Variants in DCDC1 observed in about 807,000 individuals in gnomAD.
DCDC1 encodes the protein doublecortin domain containing 1, also known as doublecortin domain-containing protein 1.
DCDC1 carries 200 observed loss-of-function variants against 178.3 expected under a neutral mutation model. That is an observed-to-expected ratio of 1.12 (90% confidence interval 1.00 to 1.26). The LOEUF is 1.26. Ranked by LOEUF, DCDC1 falls within the 50% of genes most tolerant of loss-of-function variation. The pLI is 0.00. For synonymous variants in DCDC1, 690 were observed against 604.8 expected, an observed-to-expected ratio of 1.14 and a Z score of -2.07; for missense variants, 1,983 against 1,749.2, an observed-to-expected ratio of 1.13 and a Z score of -2.38.
rs139864281 is a variant in DCDC1 at position 31,336,573 on chromosome 11, C to T, written c.-124-1009G>A. Among the ~76,000 whole-genome samples, 1,253 of 152,276 alleles carry T rather than the reference C, an allele frequency of 8.2e-3. 7 individuals carry two copies. The highest frequency in any genetic ancestry group is 0.017 in the Middle Eastern group (5 of 294). ...TTCTTTGTTAAGAATTCACCAAATG[C>T]ATTGAAATAATTGTATTGCAATGTC... On this transcript the variant is annotated intron_variant, in intron 1 of 38. Transcript: ENST00000684477.
chr11:31,165,759 C>T lies in DCDC1; in HGVS notation c.1222-27975G>A, dbSNP rs148000194. On this transcript the variant is annotated intron_variant, in intron 9 of 38. Coordinates refer to ENST00000684477, the MANE Select transcript of DCDC1 (RefSeq NM_001387274.1). ...CCCCTTGTTTTTCATATGTACTGTG[C>T]GCAGATTTGAATTTCTTTGATGAGG... 8.8e-3 allele frequency among the ~76,000 whole-genome samples: 1,336 copies of T among 152,116 alleles called. 6 individuals are homozygous for T. The highest frequency in any genetic ancestry group is 0.012 in the Non-Finnish European group (843 of 68,012).
intron 9 of DCDC1, among the ~76,000 whole-genome samples, chr11:31,239,814 A>G (rs1976899692): frequency 6.6e-6 from 1 of 151,892 alleles, no homozygotes; most frequent in East Asian, 1.9e-4. Context: ...TTTGAGTCAT[A>G]AAGAATTTTT....
intron 1 of DCDC1, among the ~76,000 whole-genome samples, chr11:31,336,678 AT>A (rs1950288845): frequency 6.6e-6 from 1 of 152,196 alleles, no homozygotes; most frequent in Non-Finnish European, 1.5e-5. Flanking sequence ...GCCAATATCC[AT>A]TCCTTGTTCC....
At chr11:30,902,592 T>C (rs1045717500) in intron 32 of DCDC1, among the ~76,000 whole-genome samples, 1 of 152,142 alleles carries the variant, frequency 6.6e-6, no homozygotes, top group African/African-American at 2.4e-5. Context: ...ACATTTTATG[T>C]AAGAAATTTA....
At chr11:30,913,144 G>A (rs10835721) in intron 27 of DCDC1, among the ~76,000 whole-genome samples, 35,018 of 152,072 alleles carry the variant, frequency 0.23, 4,302 homozygotes, top group Non-Finnish European at 0.27. Flanking sequence ...ACTCTTGGCC[G>A]GGCGCGGTGG....
chr11:31,326,626 G>T (rs1949663793), intron 3 of DCDC1, among the ~76,000 whole-genome samples: 1 of 152,092 alleles, frequency 6.6e-6, no homozygotes. Flanking sequence ...AAGCTGCACT[G>T]TATAAAGGAT....
chr11:31,144,303 A>AT (rs908214642), intron 9 of DCDC1, among the ~76,000 whole-genome samples: 319 of 148,586 alleles, frequency 2.1e-3, no homozygotes, highest in Non-Finnish European at 3.1e-3. Context: ...CCTGGCTAAT[A>AT]TTTTTTTTTT....
intron 2 of DCDC1, among the ~76,000 whole-genome samples, chr11:31,330,193 G>A (rs1259770800): frequency 6.6e-6 from 1 of 152,176 alleles, no homozygotes; most frequent in Non-Finnish European, 1.5e-5. Flanking sequence ...CTGCATAAAT[G>A]TCTTCTTTTG....
chr11:30,916,729 C>G, intron 26 of DCDC1, 141 bp downstream of exon 26: 3 of 1,060,210 alleles, frequency 2.8e-6, no homozygotes, highest in Non-Finnish European at 3.8e-6. Flanking sequence ...ATATTTTAAT[C>G]AAAAACATAA....
intron 20 of DCDC1, among the ~76,000 whole-genome samples, chr11:31,043,144 G>C (rs1013391066): frequency 1.3e-5 from 2 of 152,154 alleles, no homozygotes; most frequent in African/African-American, 4.8e-5. Flanking sequence ...GCAAGTATTT[G>C]TGTATCTAAA....
At chr11:30,920,355 G>A (rs1325937550) in intron 25 of DCDC1, among the ~76,000 whole-genome samples, 1 of 152,148 alleles carries the variant, frequency 6.6e-6, no homozygotes, top group African/African-American at 2.4e-5. Context: ...GAATTGGAAG[G>A]AAGATATTAC....
chr11:31,306,333 A>G lies in DCDC1; in HGVS notation c.490T>C (p.Ser164Pro). 1 of 1,610,348 alleles carries G rather than the reference A, an allele frequency of 6.2e-7. No homozygotes were observed. Among genetic ancestry groups the G allele is most frequent in the African/African-American group, 1.3e-5 (1 of 74,818 alleles). ...FQSARNWQKLSQRHKLQPRVI... is the reference protein window; with the variant it reads ...FQSARNWQKLPQRHKLQPRVI... ...CTTGGTTGAAGTTTGTGTCTTTGAG[A>G]CAATTTCTGCCAATTCCGGGCTGAC... The change falls in exon 5 of 39, where the codon TCT becomes CCT. Residue 164 changes from serine (S) to proline (P), a missense_variant. Transcript: ENST00000684477.
chr11:31,135,779 A>G (rs1420489814), intron 10 of DCDC1, among the ~76,000 whole-genome samples: 1 of 152,154 alleles, frequency 6.6e-6, no homozygotes, highest in East Asian at 1.9e-4. Context: ...TGAAATATAT[A>G]GTGCTAAAAA....
intron 1 of DCDC1, among the ~76,000 whole-genome samples, chr11:31,368,011 A>C (rs1021100474): frequency 5.3e-5 from 8 of 152,224 alleles, no homozygotes; most frequent in African/African-American, 1.9e-4. Flanking sequence ...TGGAAAGTGT[A>C]CATTTTGTCT....
At chr11:31,156,723 A>T (rs1479149060) in intron 9 of DCDC1, among the ~76,000 whole-genome samples, 1 of 152,158 alleles carries the variant, frequency 6.6e-6, no homozygotes, top group Admixed American at 6.5e-5. Flanking sequence ...GGCATGTATA[A>T]ATAAGAAAGG....
At chr11:30,992,070 T>C (rs1951021761) in intron 20 of DCDC1, among the ~76,000 whole-genome samples, 1 of 152,134 alleles carries the variant, frequency 6.6e-6, no homozygotes, top group African/African-American at 2.4e-5. Context: ...GTTACACAAA[T>C]AAAGTACAAT....
intron 2 of DCDC1, among the ~76,000 whole-genome samples, chr11:31,332,316 T>C (rs1000410617): frequency 2.0e-5 from 3 of 152,130 alleles, no homozygotes; most frequent in East Asian, 1.9e-4. Flanking sequence ...TTTGTTGATG[T>C]TTTCAAAAAA....
In DCDC1 at chr11:31,072,387, A is replaced by G. The variant is rs541738001; in HGVS notation, c.2298+5478T>C. On this transcript the variant is annotated intron_variant, in intron 18 of 38. Coordinates refer to ENST00000684477, the MANE Select transcript of DCDC1 (RefSeq NM_001387274.1). Reference sequence around the variant, plus strand: ...TGCAAAGATTTTCCCCATTTTTCATATTCTCCTATTTATTTTTGCTTAATT... The same window carrying G: ...TGCAAAGATTTTCCCCATTTTTCATGTTCTCCTATTTATTTTTGCTTAATT... 1.6e-4 allele frequency among the ~76,000 whole-genome samples: 24 copies of G among 152,116 alleles called. No homozygotes were observed. In the South Asian group the frequency reaches 4.3e-3, roughly 28 times the overall value.
chr11:31,174,635 C>A (rs2136241489), intron 9 of DCDC1, among the ~76,000 whole-genome samples: 1 of 152,282 alleles, frequency 6.6e-6, no homozygotes, highest in African/African-American at 2.4e-5. Flanking sequence ...ACTTGTGATG[C>A]TTTTCCAGGC....
Sources: allele counts gnomAD v4.1 joint callset (sites outside exome capture counted in the v4.1 genomes callset), GRCh38; gene constraint gnomAD v4.1.1; transcripts MANE v1.5; gene names NCBI Gene and HGNC (gene_info 2026-07-23, HGNC 2026-07-21).